The following EEIG2 variants were observed in gnomAD, a reference collection of about 807,000 sequenced individuals.
The protein encoded by EEIG2 is EEIG family member 2.
At chr1:108,579,772 T>TGTGTGTGTGTGTGTGA in the EEIG2 span, among the ~76,000 whole-genome samples, 2 of 58,822 alleles carry the variant, frequency 3.4e-5, no homozygotes, top group African/African-American at 1.3e-4. Context: ...TGTGTGTGTG[T>TGTGTGTGTGTGTGTGA]GAGAGAGAGA....
At chr1:108,595,239 C>G in the EEIG2 span, among the ~76,000 whole-genome samples, 1 of 128,112 alleles carries the variant, frequency 7.8e-6, no homozygotes. Flanking sequence ...GACCCCATCT[C>G]AAAAGAAAGG....
At chr1:108,569,712 C>G in the EEIG2 span, among the ~76,000 whole-genome samples, 1 of 152,128 alleles carries the variant, frequency 6.6e-6, no homozygotes, top group African/African-American at 2.4e-5. Flanking sequence ...CTTCCTAAAT[C>G]TTTCACTATA....
At chr1:108,570,146 T>G in the EEIG2 span, among the ~76,000 whole-genome samples, 3 of 151,566 alleles carry the variant, frequency 2.0e-5, no homozygotes, top group African/African-American at 7.3e-5. Context: ...TTAACTGGGA[T>G]TTTTTGTGGG....
At chr1:108,605,754 T>TA in the EEIG2 span, among the ~76,000 whole-genome samples, 2 of 152,302 alleles carry the variant, frequency 1.3e-5, no homozygotes, top group East Asian at 3.9e-4. Context: ...TCACATTAGG[T>TA]AAGAGGGTTT....
the EEIG2 span, among the ~76,000 whole-genome samples, chr1:108,581,545 CAG>C: frequency 0.09 from 13,728 of 152,108 alleles, 737 homozygotes; most frequent in Middle Eastern, 0.2. Flanking sequence ...CCAACATTAA[CAG>C]GAGTTTGGAA....
chr1:108,595,647 T>C, the EEIG2 span, among the ~76,000 whole-genome samples: 3 of 138,570 alleles, frequency 2.2e-5, no homozygotes, highest in Middle Eastern at 9.1e-3. Context: ...GAGGAAGATG[T>C]AATAGCTTTT....
chr1:108,606,618 G>A, the EEIG2 span, among the ~76,000 whole-genome samples: 1 of 152,170 alleles, frequency 6.6e-6, no homozygotes, highest in South Asian at 2.1e-4. Context: ...TACATGATCA[G>A]TACTGCTGGT....
At chr1:108,614,969 G>T in the EEIG2 span, among the ~76,000 whole-genome samples, 1 of 152,180 alleles carries the variant, frequency 6.6e-6, no homozygotes, top group African/African-American at 2.4e-5. Flanking sequence ...AGGGTTCTAT[G>T]AAAGAAGAGA....
the EEIG2 span, among the ~76,000 whole-genome samples, chr1:108,618,699 C>T: frequency 2.6e-5 from 4 of 151,872 alleles, no homozygotes; most frequent in East Asian, 1.9e-4. Flanking sequence ...AAAAATCAGG[C>T]GTGGTGATGC....
the EEIG2 span, among the ~76,000 whole-genome samples, chr1:108,589,428 C>T: frequency 2.0e-5 from 3 of 152,152 alleles, no homozygotes; most frequent in African/African-American, 7.2e-5. Context: ...AATCCGGCTT[C>T]CATCCCTCCT....
chr1:108,597,113 A>T, the EEIG2 span, among the ~76,000 whole-genome samples: 1 of 152,164 alleles, frequency 6.6e-6, no homozygotes, highest in East Asian at 1.9e-4. Flanking sequence ...ATGAAGCACT[A>T]AAAGTTGATT....
chr1:108,628,803 A>G, the EEIG2 span: 1 of 1,610,208 alleles, frequency 6.2e-7, no homozygotes, highest in Non-Finnish European at 8.5e-7. Flanking sequence ...CCAGTGCGGA[A>G]GGTGTGTAGG....
At chr1:108,615,313 C>T in the EEIG2 span, among the ~76,000 whole-genome samples, 2 of 152,128 alleles carry the variant, frequency 1.3e-5, no homozygotes, top group African/African-American at 4.8e-5. Flanking sequence ...AAACACATAG[C>T]TTATGCCTGG....
the EEIG2 span, among the ~76,000 whole-genome samples, chr1:108,604,100 G>A: frequency 6.6e-6 from 1 of 152,224 alleles, no homozygotes; most frequent in Non-Finnish European, 1.5e-5. Flanking sequence ...CAGAAGTACT[G>A]TGAACCCTAT....
At chr1:108,633,614 T>G in the EEIG2 span, among the ~76,000 whole-genome samples, 1,043 of 152,352 alleles carry the variant, frequency 6.8e-3, 16 homozygotes, top group African/African-American at 0.023. Flanking sequence ...TTTTATTTTA[T>G]TCTTCTGTAT....
the EEIG2 span, among the ~76,000 whole-genome samples, chr1:108,570,362 T>C: frequency 6.6e-6 from 1 of 152,252 alleles, no homozygotes; most frequent in South Asian, 2.1e-4. Flanking sequence ...TCAAGGAGCC[T>C]AGACTTGGTT....
At chr1:108,605,556 A>G in the EEIG2 span, among the ~76,000 whole-genome samples, 1 of 152,156 alleles carries the variant, frequency 6.6e-6, no homozygotes, top group African/African-American at 2.4e-5. Flanking sequence ...CCCTAATAAT[A>G]ATGACAAAGA....
the EEIG2 span, among the ~76,000 whole-genome samples, chr1:108,590,699 A>G: frequency 1.6e-4 from 25 of 152,294 alleles, no homozygotes; most frequent in African/African-American, 5.3e-4. Context: ...CTTAACCTCT[A>G]TGCAATACTA....
the EEIG2 span, among the ~76,000 whole-genome samples, chr1:108,577,991 G>A: frequency 6.7e-6 from 1 of 149,622 alleles, no homozygotes; most frequent in Non-Finnish European, 1.5e-5. Context: ...GTGGTTTGTA[G>A]TTCTCCTTGA....
Sources: allele counts gnomAD v4.1 joint callset (sites outside exome capture counted in the v4.1 genomes callset), GRCh38; gene constraint gnomAD v4.1.1; transcripts MANE v1.5; gene names NCBI Gene and HGNC (gene_info 2026-07-23, HGNC 2026-07-21).